The following SULF2 variants were observed in gnomAD, a reference collection of about 807,000 sequenced individuals.
SULF2 encodes the protein extracellular sulfatase Sulf-2.
SULF2 carries 52 observed loss-of-function variants against 107.7 expected under a neutral mutation model. The ratio of observed to expected loss-of-function variants is 0.48; its 90% CI spans 0.39 to 0.61. The LOEUF (loss-of-function observed/expected upper bound fraction) is 0.61. Ranked by LOEUF, SULF2 falls within the 20% of genes least tolerant of loss-of-function variation. The pLI is 0.00. For synonymous variants in SULF2, 460 were observed against 464.3 expected (o/e 0.99, Z 0.12); for missense variants, 993 against 1,177.3 (o/e 0.84, Z 2.29).
At chr20:47,718,553 G>A (rs1423465541) in intron 3 of SULF2, among the ~76,000 whole-genome samples, 3 of 152,224 alleles carry the variant, frequency 2.0e-5, no homozygotes, top group Admixed American at 2.0e-4. Flanking sequence ...GACTCTCACA[G>A]TCATTCAGGA....
At chr20:47,729,033 T>C (rs1414915978) in intron 3 of SULF2, among the ~76,000 whole-genome samples, 2 of 152,152 alleles carry the variant, frequency 1.3e-5, no homozygotes, top group Non-Finnish European at 2.9e-5. Flanking sequence ...ATGGGGGCAC[T>C]GGTGGGAAAA....
intron 11 of SULF2, among the ~76,000 whole-genome samples, chr20:47,671,947 T>C (rs943653265): frequency 1.3e-5 from 2 of 152,134 alleles, no homozygotes; most frequent in African/African-American, 4.8e-5. Context: ...TGACCTCAGG[T>C]GATCTGCCTG....
At chr20:47,776,594 G>T (rs1480125893) in intron 1 of SULF2, among the ~76,000 whole-genome samples, 2 of 152,172 alleles carry the variant, frequency 1.3e-5, no homozygotes, top group African/African-American at 4.8e-5. Flanking sequence ...GAAGGGAGTT[G>T]TCTTTTCAAG....
At chr20:47,730,534 T>A (rs754436770) in intron 3 of SULF2, among the ~76,000 whole-genome samples, 1 of 152,136 alleles carries the variant, frequency 6.6e-6, no homozygotes, top group Non-Finnish European at 1.5e-5. Flanking sequence ...CACTGCAACC[T>A]CCGCCTCCTG....
intron 4 of SULF2, among the ~76,000 whole-genome samples, chr20:47,692,065 C>T (rs920193703): frequency 6.6e-6 from 1 of 152,166 alleles, no homozygotes; most frequent in Non-Finnish European, 1.5e-5. Flanking sequence ...AGCACCCATA[C>T]AACTCTTCCT....
intron 3 of SULF2, among the ~76,000 whole-genome samples, chr20:47,732,730 T>C (rs1450948894): frequency 1.3e-5 from 2 of 151,952 alleles, no homozygotes; most frequent in Non-Finnish European, 2.9e-5. Context: ...GTAATCCTAG[T>C]TAGTGGGGAG....
At chr20:47,779,627 G>T (rs2090786739) in intron 1 of SULF2, among the ~76,000 whole-genome samples, 3 of 152,142 alleles carry the variant, frequency 2.0e-5, no homozygotes, top group Non-Finnish European at 2.9e-5. Flanking sequence ...TTATTTTTGA[G>T]ATGGAGTCTT....
intron 11 of SULF2, among the ~76,000 whole-genome samples, chr20:47,669,354 C>T (rs1298581700): frequency 6.6e-6 from 1 of 152,188 alleles, no homozygotes. Flanking sequence ...CTTACCACTG[C>T]GGACACTTTG....
At chr20:47,763,265 C>T (rs532089237) in intron 1 of SULF2, among the ~76,000 whole-genome samples, 1 of 152,348 alleles carries the variant, frequency 6.6e-6, no homozygotes, top group African/African-American at 2.4e-5. Flanking sequence ...AAACAGCTAA[C>T]GTCCTGAGCA....
rs955019361 is a variant in SULF2 at position 47,690,030 on chromosome 20, C to T, written c.737+96G>A. The T allele has an allele frequency of 4.2e-6, 5 of 1,184,500 alleles. No individual in the cohort carries two copies. In the African/African-American group the frequency reaches 6.3e-5, roughly 15 times the overall value. The allele number at this position is 1,184,500 out of a possible 1,614,324, so 73.4% of individuals were successfully genotyped here. On this transcript the variant is annotated intron_variant, in intron 5 of 20. Transcript: ENST00000688720. The stretch of plus-strand genomic sequence containing the variant: ...AACCAGGAGGATTAGAGAGGAGGCA[C>T]AGTGAAGTCATGGTGGTGACAGTAC...
At chr20:47,692,871 T>C (rs2088242644) in intron 4 of SULF2, among the ~76,000 whole-genome samples, 1 of 151,986 alleles carries the variant, frequency 6.6e-6, no homozygotes, top group Non-Finnish European at 1.5e-5. Flanking sequence ...AGCAACAGAG[T>C]CAAACTCAGA....
chr20:47,754,685 G>A (rs1278981406), intron 2 of SULF2, among the ~76,000 whole-genome samples: 2 of 152,154 alleles, frequency 1.3e-5, no homozygotes, highest in Non-Finnish European at 2.9e-5. Flanking sequence ...TCTGTGCAAC[G>A]ATGCCTGTTT....
At chr20:47,693,374 G>A (rs2088267062) in intron 4 of SULF2, among the ~76,000 whole-genome samples, 1 of 152,108 alleles carries the variant, frequency 6.6e-6, no homozygotes, top group African/African-American at 2.4e-5. Context: ...GGGGTGGGGT[G>A]GGAAGCCACC....
At chr20:47,668,529 G>A (rs1041010444) in intron 11 of SULF2, among the ~76,000 whole-genome samples, 4 of 152,178 alleles carry the variant, frequency 2.6e-5, no homozygotes, top group African/African-American at 4.8e-5. Context: ...ATAACCCGGC[G>A]GCCAAGAGCT....
intron 3 of SULF2, among the ~76,000 whole-genome samples, chr20:47,712,693 C>G (rs529406573): frequency 6.6e-6 from 1 of 152,178 alleles, no homozygotes; most frequent in Admixed American, 6.5e-5. Flanking sequence ...AAGCGTCACA[C>G]CCCTCGCCCA....
Position 47,694,822 on chromosome 20 carries a change from G to A in SULF2, c.568-4527C>T, listed in dbSNP as rs2088320662. On this transcript the variant is annotated intron_variant, in intron 4 of 20. Coordinates refer to ENST00000688720, the MANE Select transcript of SULF2 (RefSeq NM_001387048.1). The surrounding 1 kb of genome is among the most constrained non-coding windows in gnomAD (Gnocchi z 4.4). ...CAGCTCCACAGGCTCCAGACAACTC[G>A]TAATGAATGATCATAGGCTCTTCAT... Among the ~76,000 whole-genome samples, 1 of 152,226 alleles carries A rather than the reference G, an allele frequency of 6.6e-6. No individual in the cohort carries two copies. Among genetic ancestry groups the A allele is most frequent in the South Asian group, 2.1e-4 (1 of 4,834 alleles).
intron 3 of SULF2, among the ~76,000 whole-genome samples, chr20:47,705,494 G>A (rs2088702784): frequency 6.6e-6 from 1 of 152,152 alleles, no homozygotes; most frequent in Non-Finnish European, 1.5e-5. Flanking sequence ...GAGATTCCCG[G>A]GCAAGCTAAA....
chr20:47,665,286 G>T lies in SULF2; in HGVS notation c.1910C>A (p.Thr637Asn). Residue 637 changes from threonine to asparagine, a missense_variant, in exon 14 of 21, where the codon ACC becomes AAC. This residue lies in a region of SULF2 where 497 missense variants were observed against 544.1 expected (regional missense o/e 0.91). Coordinates refer to ENST00000688720, the MANE Select transcript of SULF2 (RefSeq NM_001387048.1). ...HKLHIDHEIETLQNKIKNLRE... is the reference protein window; with the variant it reads ...HKLHIDHEIENLQNKIKNLRE... ...CAGGTTCTTAATTTTGTTCTGCAGGGTTTCAATCTGAGGGAGGGGCAGAAG... is the reference window on the plus strand; with the variant it reads ...CAGGTTCTTAATTTTGTTCTGCAGGTTTTCAATCTGAGGGAGGGGCAGAAG... 6.2e-7 allele frequency: 1 copy of T among 1,610,796 alleles called. No individual in the cohort carries two copies.
chr20:47,777,194 G>C (rs1024056871), intron 1 of SULF2, among the ~76,000 whole-genome samples: 1 of 152,170 alleles, frequency 6.6e-6, no homozygotes, highest in Non-Finnish European at 1.5e-5. Flanking sequence ...TTCTAGGGAG[G>C]TGACATTTCA....
Sources: allele counts gnomAD v4.1 joint callset (sites outside exome capture counted in the v4.1 genomes callset), GRCh38; gene constraint gnomAD v4.1.1; regional missense constraint gnomAD v4.1.1; non-coding constraint Gnocchi (gnomAD v3.1); transcripts MANE v1.5; gene names NCBI Gene and HGNC (gene_info 2026-07-23, HGNC 2026-07-21).